The following WNT7A variants were observed in gnomAD, a reference collection of about 807,000 sequenced individuals.
WNT7A encodes the protein Wnt family member 7A.
A neutral mutation model predicts 28.2 loss-of-function variants in WNT7A; 16 were observed. That is an observed-to-expected ratio of 0.57 (90% CI 0.38 to 0.86). WNT7A has a LOEUF of 0.86. Ranked by LOEUF, WNT7A falls within the 40% of genes least tolerant of loss-of-function variation. WNT7A has a pLI of 0.00. For synonymous variants in WNT7A, 190 were observed against 195.9 expected (o/e 0.97, Z 0.25); for missense variants, 411 against 489.7 (o/e 0.84, Z 1.52).
At chr3:13,869,608 AAG>A (rs1214821895) in intron 2 of WNT7A, among the ~76,000 whole-genome samples, 9 of 144,710 alleles carry the variant, frequency 6.2e-5, no homozygotes, top group Non-Finnish European at 1.2e-4. Context: ...GGGAGGAAGA[AAG>A]AGAGAAAGAG....
At chr3:13,855,403 C>A (rs1694713445) in intron 2 of WNT7A, among the ~76,000 whole-genome samples, 1 of 152,208 alleles carries the variant, frequency 6.6e-6, no homozygotes, top group African/African-American at 2.4e-5. Context: ...CTCTTGGCCC[C>A]ATGTTTCATT....
At chr3:13,861,718 G>A (rs1279202387) in intron 2 of WNT7A, among the ~76,000 whole-genome samples, 7 of 152,152 alleles carry the variant, frequency 4.6e-5, no homozygotes, top group East Asian at 1.9e-4. Context: ...GGCTGTGGGC[G>A]GGTGTGGATT....
At chr3:13,847,581 C>T (rs1326072328) in intron 3 of WNT7A, among the ~76,000 whole-genome samples, 1 of 152,172 alleles carries the variant, frequency 6.6e-6, no homozygotes, top group Non-Finnish European at 1.5e-5. Context: ...AGGGAGGGTT[C>T]CCGGATTTAG....
chr3:13,879,740 C>T lies in WNT7A; in HGVS notation c.71+6G>A. ...CACGCGCGGAAAGGGCGCAGGCAGC[C>T]CTTACCCGATCCGGAGGTAGACCAT... On this transcript the variant is annotated splice_donor_region_variant and intron_variant, in intron 1 of 3. Coordinates refer to ENST00000285018, the MANE Select transcript of WNT7A (RefSeq NM_004625.4). 3 of 1,612,156 alleles carry T rather than the reference C, an allele frequency of 1.9e-6. No individual in the cohort carries two copies. Among genetic ancestry groups the T allele is most frequent in the East Asian group, 2.2e-5 (1 of 44,774 alleles).
intron 3 of WNT7A, among the ~76,000 whole-genome samples, chr3:13,822,705 G>C (rs1192385044): frequency 2.0e-5 from 3 of 152,234 alleles, no homozygotes; most frequent in African/African-American, 7.2e-5. Flanking sequence ...TGGTGACACT[G>C]TATGGCATGT....
intron 2 of WNT7A, among the ~76,000 whole-genome samples, chr3:13,871,438 C>T (rs1170810912): frequency 6.6e-6 from 1 of 152,094 alleles, no homozygotes; most frequent in Non-Finnish European, 1.5e-5. Context: ...ACTCTCAGGG[C>T]TCTCATCTTG....
intron 3 of WNT7A, among the ~76,000 whole-genome samples, chr3:13,848,561 A>G (rs1351053295): frequency 2.0e-5 from 3 of 152,228 alleles, no homozygotes; most frequent in Admixed American, 2.0e-4. Flanking sequence ...TGGCAAAAAA[A>G]TTTTAAAAAC....
intron 2 of WNT7A, among the ~76,000 whole-genome samples, chr3:13,869,893 T>G (rs1695005000): frequency 6.6e-6 from 1 of 152,180 alleles, no homozygotes; most frequent in Non-Finnish European, 1.5e-5. Context: ...CACAGGGGAC[T>G]CTCTGAGCCA....
chr3:13,834,885 C>T (rs759990651), intron 3 of WNT7A, among the ~76,000 whole-genome samples: 7 of 152,192 alleles, frequency 4.6e-5, no homozygotes, highest in African/African-American at 7.2e-5. Flanking sequence ...GGCAAGGACC[C>T]GGTCTGTCCA....
intron 1 of WNT7A, among the ~76,000 whole-genome samples, chr3:13,877,939 G>C (rs866009202): frequency 5.9e-5 from 9 of 152,222 alleles, no homozygotes; most frequent in African/African-American, 1.9e-4. Flanking sequence ...TGGGGAAATG[G>C]AAAAACCTTT....
intron 3 of WNT7A, among the ~76,000 whole-genome samples, chr3:13,849,392 T>G (rs1694593127): frequency 6.6e-6 from 1 of 152,240 alleles, no homozygotes; most frequent in East Asian, 1.9e-4. Context: ...GACGTACTTT[T>G]GTTTATCTCA....
At chr3:13,878,548 G>T (rs1695148935) in intron 1 of WNT7A, among the ~76,000 whole-genome samples, 1 of 152,156 alleles carries the variant, frequency 6.6e-6, no homozygotes, top group African/African-American at 2.4e-5. Context: ...CCCCTGGTCG[G>T]CTCTGCACGC....
chr3:13,838,769 A>T (rs1694410593), intron 3 of WNT7A, among the ~76,000 whole-genome samples: 1 of 152,156 alleles, frequency 6.6e-6, no homozygotes, highest in Non-Finnish European at 1.5e-5. Flanking sequence ...CGGATTCTGT[A>T]GGTATGGAGT....
intron 2 of WNT7A, among the ~76,000 whole-genome samples, chr3:13,856,343 G>A (rs1466935841): frequency 6.6e-6 from 1 of 152,234 alleles, no homozygotes; most frequent in Non-Finnish European, 1.5e-5. Flanking sequence ...CAGGAGAAGG[G>A]GGCATGTCAA....
At chr3:13,870,055 C>A (rs1160865303) in intron 2 of WNT7A, among the ~76,000 whole-genome samples, 1 of 152,188 alleles carries the variant, frequency 6.6e-6, no homozygotes, top group Non-Finnish European at 1.5e-5. Flanking sequence ...TCTCCACTGT[C>A]CAGACTCCTC....
intron 3 of WNT7A, among the ~76,000 whole-genome samples, chr3:13,824,097 G>A (rs1694150698): frequency 6.6e-6 from 1 of 152,158 alleles, no homozygotes. Context: ...CTTTACTGCA[G>A]TACAATTCAC....
At chr3:13,856,893 AAAGAAGAAGAAGAAGAAGAAGAAGAAG>A (rs775537679) in intron 2 of WNT7A, among the ~76,000 whole-genome samples, 69 of 73,354 alleles carry the variant, frequency 9.4e-4, no homozygotes, top group South Asian at 1.6e-3. Context: ...AGAAGAAGAA[AAAGAAGAAGAAGAAGAAGAAGAAGAAG>A]AAGAAGAAGA....
At chr3:13,855,683 G>A (rs910395234) in intron 2 of WNT7A, among the ~76,000 whole-genome samples, 2 of 152,136 alleles carry the variant, frequency 1.3e-5, no homozygotes, top group Non-Finnish European at 2.9e-5. Flanking sequence ...TGCAAAATGG[G>A]TTCAAGGGCT....
In WNT7A at chr3:13,880,000, G is replaced by T. The variant is rs899607312; in HGVS notation, c.-184C>A. 3.3e-5 allele frequency: 13 copies of T among 396,838 alleles called. No homozygotes were observed. The highest frequency in any genetic ancestry group is 4.8e-5 in the Non-Finnish European group (11 of 229,468). 24.6% of individuals were successfully genotyped at this position (396,838 alleles called of 1,614,324 possible). ...GCCAGGAGCACGGGAGCCACGGAGC[G>T]GGAGGAGGGAGGGAGGAGCGAGCGC... On this transcript the variant is annotated 5_prime_UTR_variant, in exon 1 of 4. Transcript: ENST00000285018.
Sources: allele counts gnomAD v4.1 joint callset (sites outside exome capture counted in the v4.1 genomes callset), GRCh38; gene constraint gnomAD v4.1.1; transcripts MANE v1.5; gene names NCBI Gene and HGNC (gene_info 2026-07-23, HGNC 2026-07-21).